CPAP: variants seen among roughly 807,000 people sequenced by gnomAD.
CPAP encodes the protein centrosomal P4.1-associated protein.
At chr13:24,927,291 G>C in the CPAP span, among the ~76,000 whole-genome samples, 1 of 152,206 alleles carries the variant, frequency 6.6e-6, no homozygotes, top group East Asian at 1.9e-4. Context: ...GATCCAATTT[G>C]GGTAGAACGG....
the CPAP span, chr13:24,899,413 G>C: frequency 6.2e-7 from 1 of 1,602,634 alleles, no homozygotes; most frequent in Non-Finnish European, 8.5e-7. Flanking sequence ...TAAAGAACTA[G>C]CATACCTGTA....
At chr13:24,884,383 C>CT in the CPAP span, 1 of 1,614,078 alleles carries the variant, frequency 6.2e-7, no homozygotes, top group Non-Finnish European at 8.5e-7. Context: ...CAGTGATGGT[C>CT]TTCCCATCTG....
chr13:24,901,245 G>A, the CPAP span, among the ~76,000 whole-genome samples: 2 of 152,120 alleles, frequency 1.3e-5, no homozygotes, highest in African/African-American at 4.8e-5. Context: ...ATTTGAGAAA[G>A]TTAAATATCC....
chr13:24,885,244 T>C, the CPAP span: 2 of 1,368,262 alleles, frequency 1.5e-6, no homozygotes, highest in South Asian at 1.2e-5. Context: ...TTATTTTTTA[T>C]AGAATTCATT....
chr13:24,905,042 G>A, the CPAP span, among the ~76,000 whole-genome samples: 3 of 152,074 alleles, frequency 2.0e-5, no homozygotes, highest in African/African-American at 7.2e-5. Flanking sequence ...TTATATGCAC[G>A]GACTCTTTAG....
At chr13:24,886,719 C>T in the CPAP span, among the ~76,000 whole-genome samples, 1 of 152,194 alleles carries the variant, frequency 6.6e-6, no homozygotes, top group East Asian at 1.9e-4. Context: ...AGCTGTGTGA[C>T]ATCATTTCTC....
chr13:24,886,777 C>G, the CPAP span, among the ~76,000 whole-genome samples: 76 of 152,288 alleles, frequency 5.0e-4, 1 homozygote, highest in African/African-American at 1.7e-3. Context: ...CATTTTATGG[C>G]AAGAAAACCA....
At chr13:24,906,640 T>C in the CPAP span, 7 of 1,614,244 alleles carry the variant, frequency 4.3e-6, no homozygotes, top group Non-Finnish European at 5.1e-6. Context: ...GAGAAAGACT[T>C]TTCCTGTTAC....
chr13:24,903,913 G>A, the CPAP span: 4 of 1,613,728 alleles, frequency 2.5e-6, no homozygotes, highest in Non-Finnish European at 3.4e-6. Context: ...CCAACTTACA[G>A]ACCCAAACGT....
the CPAP span, chr13:24,910,038 C>T: frequency 6.2e-7 from 1 of 1,613,694 alleles, no homozygotes; most frequent in Non-Finnish European, 8.5e-7. Context: ...GGTGGTATTT[C>T]CTGGAGACCT....
At chr13:24,932,407 C>T in the CPAP span, among the ~76,000 whole-genome samples, 1 of 152,174 alleles carries the variant, frequency 6.6e-6, no homozygotes, top group African/African-American at 2.4e-5. Context: ...AACCGGGAGG[C>T]GGAGGTTGCA....
the CPAP span, among the ~76,000 whole-genome samples, chr13:24,891,280 C>T: frequency 4.6e-5 from 7 of 152,120 alleles, no homozygotes; most frequent in Admixed American, 4.6e-4. Context: ...CTCCTCCCTG[C>T]CTACTCACAG....
the CPAP span, among the ~76,000 whole-genome samples, chr13:24,885,040 A>C: frequency 1.3e-5 from 2 of 152,222 alleles, no homozygotes; most frequent in East Asian, 3.8e-4. Context: ...GCTGCAAGAA[A>C]GGAAGACCTA....
the CPAP span, among the ~76,000 whole-genome samples, chr13:24,917,022 G>A: frequency 1.1e-4 from 16 of 152,158 alleles, no homozygotes; most frequent in Admixed American, 8.5e-4. Flanking sequence ...AGACCAAGAC[G>A]GGAGGATCAC....
chr13:24,926,972 G>A, the CPAP span, among the ~76,000 whole-genome samples: 1 of 152,194 alleles, frequency 6.6e-6, no homozygotes, highest in Admixed American at 6.5e-5. Flanking sequence ...TCCTCTGGAT[G>A]GCAGAATATG....
chr13:24,886,035 A>T, the CPAP span: 1 of 371,678 alleles, frequency 2.7e-6, no homozygotes, highest in Non-Finnish European at 5.2e-6. Flanking sequence ...TAGTTAAAAC[A>T]TAAATGCCCT....
the CPAP span, chr13:24,905,879 T>A: frequency 6.2e-7 from 1 of 1,614,186 alleles, no homozygotes; most frequent in South Asian, 1.1e-5. Flanking sequence ...CCTCTCTCTA[T>A]CCTCAGTCGA....
the CPAP span, among the ~76,000 whole-genome samples, chr13:24,932,598 A>G: frequency 6.6e-6 from 1 of 152,274 alleles, no homozygotes; most frequent in African/African-American, 2.4e-5. Flanking sequence ...GTCTTAACAG[A>G]AACCCACATA....
the CPAP span, chr13:24,909,856 C>A: frequency 6.2e-7 from 1 of 1,613,882 alleles, no homozygotes; most frequent in Non-Finnish European, 8.5e-7. Flanking sequence ...TGATACTGTG[C>A]CTCAGAAAAT....
Sources: gnomAD v4.1 joint callset for allele counts (sites outside exome capture counted in the v4.1 genomes callset) on GRCh38, gnomAD v4.1.1 for gene constraint, MANE v1.5 for transcripts, NCBI Gene and HGNC (gene_info 2026-07-23, HGNC 2026-07-21) for gene names.